The following ANK2 variants were observed in gnomAD, a reference collection of about 807,000 sequenced individuals.
The protein encoded by ANK2 is ankyrin-2.
In ANK2, 83 loss-of-function variants were observed where a neutral mutation model predicts 360.5. The observed-to-expected ratio is 0.23, with a 90% CI of 0.19 to 0.28. ANK2 has a LOEUF of 0.28. Among genes scored for constraint, ANK2 ranks in the 10% least tolerant of loss-of-function variants. The pLI, the probability that ANK2 is intolerant of heterozygous loss-of-function variation, is 1.00. For missense variants in ANK2, 4,201 were observed against 4,795.7 expected (o/e 0.88, Z 3.66); for synonymous variants, 1,740 against 1,759.5 (o/e 0.99, Z 0.28).
At chr4:113,249,506 C>G (rs560810895) in intron 9 of ANK2, among the ~76,000 whole-genome samples, 1 of 152,348 alleles carries the variant, frequency 6.6e-6, no homozygotes, top group South Asian at 2.1e-4. Context: ...TCTGTCCACA[C>G]AGGGGATCTC....
In ANK2 at chr4:112,847,985, G is replaced by A. The variant is rs112118709; in HGVS notation, c.-40+29721G>A. The stretch of plus-strand genomic sequence containing the variant: ...TGTTTGTTCCTGTTTCTTCAGTAAC[G>A]AGTGGTGTCTGCCCATCATTCATTG... On this transcript the variant is annotated intron_variant, in intron 1 of 30. Transcript: ENST00000503271. Among the ~76,000 whole-genome samples the A allele has an allele frequency of 6.7e-3, 1,017 of 152,228 alleles. 10 individuals are homozygous for A. Among genetic ancestry groups the A allele is most frequent in the African/African-American group, 0.023 (950 of 41,524 alleles).
At chr4:113,026,903 T>C (rs1356684153) in intron 2 of ANK2, among the ~76,000 whole-genome samples, 3 of 152,012 alleles carry the variant, frequency 2.0e-5, no homozygotes, top group Non-Finnish European at 2.9e-5. Flanking sequence ...TTTTCAGTAG[T>C]TGGGATGGAA....
intron 1 of ANK2, among the ~76,000 whole-genome samples, chr4:112,894,938 A>G (rs1240682310): frequency 1.3e-5 from 2 of 152,170 alleles, no homozygotes; most frequent in Admixed American, 6.5e-5. Flanking sequence ...GACTATAACT[A>G]ATAAGTGGTA....
At chr4:113,093,495 C>T (rs1030856873) in intron 1 of ANK2, among the ~76,000 whole-genome samples, 1 of 152,026 alleles carries the variant, frequency 6.6e-6, no homozygotes, top group Non-Finnish European at 1.5e-5. Flanking sequence ...TCCACCATTA[C>T]GACTGGCTAA....
chr4:112,825,442 G>A (rs978768905), intron 1 of ANK2, among the ~76,000 whole-genome samples: 5 of 152,156 alleles, frequency 3.3e-5, no homozygotes, highest in African/African-American at 1.2e-4. Flanking sequence ...TGTTGACATA[G>A]TTAGATCCCT....
chr4:113,069,060 A>G (rs922483169), intron 1 of ANK2, among the ~76,000 whole-genome samples: 1 of 150,968 alleles, frequency 6.6e-6, no homozygotes, highest in Non-Finnish European at 1.5e-5. Flanking sequence ...TGTCTAATGA[A>G]AAGAAAAGAA....
intron 1 of ANK2, among the ~76,000 whole-genome samples, chr4:113,083,813 G>GT (rs1055261091): frequency 7.9e-5 from 12 of 151,844 alleles, no homozygotes; most frequent in Admixed American, 2.0e-4. Context: ...AATTAATAGA[G>GT]TTTTTTTTCT....
the ANK2 span, among the ~76,000 whole-genome samples, chr4:112,808,927 G>T: frequency 6.6e-6 from 1 of 151,872 alleles, no homozygotes; most frequent in African/African-American, 2.4e-5. Flanking sequence ...GTGCGATCTC[G>T]GCTCGCTGCA....
At position 112,921,968 on chromosome 4, in the gene ANK2, C is replaced by T. The variant is rs187728004; in HGVS notation, c.21+17454C>T. Among the ~76,000 whole-genome samples, 23 of 152,258 alleles carry T rather than the reference C, an allele frequency of 1.5e-4. No homozygotes were observed. In the East Asian group the frequency reaches 3.7e-3, roughly 24 times the overall value. ...CCAGTGCTGTTTAGCATTATGGCCT[C>T]GAACAACTGACTAACATCTTTGGAC... On this transcript the variant is annotated intron_variant, in intron 2 of 30. Transcript: ENST00000503271.
intron 1 of ANK2, among the ~76,000 whole-genome samples, chr4:112,821,511 AT>A (rs934885487): frequency 7.2e-5 from 10 of 138,908 alleles, no homozygotes; most frequent in African/African-American, 1.9e-4. Flanking sequence ...TTTTTTTTTT[AT>A]TTTTTTTTTG....
intron 1 of ANK2, among the ~76,000 whole-genome samples, chr4:113,093,199 C>T (rs2089410864): frequency 6.6e-6 from 1 of 152,090 alleles, no homozygotes; most frequent in South Asian, 2.1e-4. Flanking sequence ...CAGGTGACTG[C>T]TGTTCTGTGA....
chr4:113,033,511 G>A (rs1044906408), intron 2 of ANK2, among the ~76,000 whole-genome samples: 6 of 151,916 alleles, frequency 3.9e-5, no homozygotes, highest in South Asian at 2.1e-4. Flanking sequence ...CAAATGATAA[G>A]TTAGTGTTAT....
chr4:112,921,060 T>C (rs2091351374), intron 2 of ANK2, among the ~76,000 whole-genome samples: 1 of 151,254 alleles, frequency 6.6e-6, no homozygotes, highest in Admixed American at 6.6e-5. Context: ...CTCTTTTTTT[T>C]TTTTTTTTTG....
intron 45 of ANK2, 112 bp from the exon 46 acceptor site, chr4:113,381,344 GA>G (rs1265704275): frequency 1.7e-6 from 2 of 1,163,078 alleles, no homozygotes; most frequent in African/African-American, 3.0e-5. Context: ...GTTTGCTGTG[GA>G]AACATCTAAA....
chr4:113,169,539 C>T (rs940120014), intron 1 of ANK2, among the ~76,000 whole-genome samples: 7 of 152,244 alleles, frequency 4.6e-5, no homozygotes, highest in Admixed American at 2.6e-4. Flanking sequence ...CTGTGCTTTA[C>T]GTAAGGTTAG....
At chr4:112,775,446 G>A in the ANK2 span, among the ~76,000 whole-genome samples, 2 of 150,996 alleles carry the variant, frequency 1.3e-5, no homozygotes, top group African/African-American at 2.4e-5. Flanking sequence ...TTGAACCCAG[G>A]AGGTGGAGGT....
the ANK2 span, among the ~76,000 whole-genome samples, chr4:112,771,327 A>C: frequency 2.0e-5 from 3 of 147,878 alleles, no homozygotes; most frequent in African/African-American, 7.3e-5. Flanking sequence ...CATGTTAGTC[A>C]GGCTGGTCTC....
At chr4:112,974,290 T>A (rs764510633) in intron 2 of ANK2, among the ~76,000 whole-genome samples, 1 of 152,194 alleles carries the variant, frequency 6.6e-6, no homozygotes, top group Non-Finnish European at 1.5e-5. Flanking sequence ...GCAATACAGA[T>A]TTAGCAAGAA....
At position 113,195,505 on chromosome 4, in the gene ANK2, G is replaced by GTACAT. The variant is rs2098734496; in HGVS notation, c.187-863_187-862insTACAT. Among the ~76,000 whole-genome samples, 3 of 151,976 alleles carry GTACAT rather than the reference G, an allele frequency of 2.0e-5. No homozygotes were observed. In the South Asian group the frequency reaches 6.2e-4, roughly 32 times the overall value. Reference sequence around the variant, plus strand: ...AAATAACATTTTGTAGCATTACTTGGGTCTATATGATATGTGTAAAACAGT... The same window carrying GTACAT: ...AAATAACATTTTGTAGCATTACTTGGTACATGTCTATATGATATGTGTAAAACAGT... On this transcript the variant is annotated intron_variant, in intron 2 of 45. Coordinates refer to ENST00000357077, the MANE Select transcript of ANK2 (RefSeq NM_001148.6).
Sources: gnomAD v4.1 joint callset for allele counts (sites outside exome capture counted in the v4.1 genomes callset) on GRCh38, gnomAD v4.1.1 for gene constraint, MANE v1.5 for transcripts, NCBI Gene and HGNC (gene_info 2026-07-23, HGNC 2026-07-21) for gene names.